The following KIAA2012 variants were observed in gnomAD, a reference collection of about 807,000 sequenced individuals.
KIAA2012 encodes the protein KIAA2012.
A neutral mutation model predicts 150.6 loss-of-function variants in KIAA2012; 125 were observed. That is an observed-to-expected ratio of 0.83 (90% CI 0.72 to 0.96). The LOEUF (loss-of-function observed/expected upper bound fraction) is 0.96, where lower values mean the gene tolerates loss of function less well. Among genes scored for constraint, KIAA2012 ranks in the 40% least tolerant of loss-of-function variants. The probability of loss-of-function intolerance (pLI) is 0.00; values close to 1 mark genes in which losing one functional copy is unlikely to be tolerated. For missense variants in KIAA2012, 1,219 were observed against 1,354.9 expected, an observed-to-expected ratio of 0.90 and a Z score of 1.57; for synonymous variants, 462 against 504.7, an observed-to-expected ratio of 0.92 and a Z score of 1.13.
chr2:202,105,916 T>TCCTC lies in KIAA2012; in HGVS notation c.1474+16_1474+19dup, dbSNP rs933325673. 12 of 1,550,560 alleles carry TCCTC rather than the reference T, an allele frequency of 7.7e-6. No individual in the cohort carries two copies. In the East Asian group the frequency reaches 1.5e-4, roughly 19 times the overall value. ...GGACACACTCTCACCTCAAGGTAGC[T>TCCTC]CCTCCCTCCCTCCAGCATCCCTCGG... On this transcript the variant is annotated splice_region_variant and intron_variant, in intron 9 of 23. Transcript: ENST00000498697.
At chr2:202,168,229 G>A (rs931961752) in intron 15 of KIAA2012, among the ~76,000 whole-genome samples, 1 of 151,828 alleles carries the variant, frequency 6.6e-6, no homozygotes, top group African/African-American at 2.4e-5. Flanking sequence ...GACCGTCCTG[G>A]CCATCATGGT....
intron 14 of KIAA2012, among the ~76,000 whole-genome samples, chr2:202,159,665 AC>A (rs1691608210): frequency 6.6e-6 from 1 of 152,130 alleles, no homozygotes; most frequent in Admixed American, 6.5e-5. Context: ...ACATGGTGAA[AC>A]CCCGTCTCTA....
intron 12 of KIAA2012, among the ~76,000 whole-genome samples, chr2:202,128,459 A>C (rs532773917): frequency 6.7e-6 from 1 of 149,280 alleles, no homozygotes; most frequent in Non-Finnish European, 1.5e-5. Context: ...TTTGGTAGAG[A>C]TGGGGTTTCA....
intron 11 of KIAA2012, chr2:202,116,188 A>G (rs558146189): frequency 6.6e-6 from 1 of 152,354 alleles, no homozygotes; most frequent in East Asian, 1.9e-4. Context: ...GTTTATGCCA[A>G]TGATTCAGGT....
chr2:202,111,877 G>A (rs2105928527), intron 10 of KIAA2012, among the ~76,000 whole-genome samples: 1 of 152,250 alleles, frequency 6.6e-6, no homozygotes, highest in African/African-American at 2.4e-5. Context: ...GTTTGTAAGT[G>A]TGCATGTGTA....
At chr2:202,174,431 AT>A (rs1691953808) in intron 15 of KIAA2012, among the ~76,000 whole-genome samples, 1 of 152,228 alleles carries the variant, frequency 6.6e-6, no homozygotes, top group African/African-American at 2.4e-5. Context: ...TCCAGACTAT[AT>A]TATTACTTAT....
intron 21 of KIAA2012, among the ~76,000 whole-genome samples, chr2:202,195,756 T>G (rs1487840430): frequency 6.6e-6 from 1 of 152,178 alleles, no homozygotes; most frequent in Non-Finnish European, 1.5e-5. Flanking sequence ...GTTTTTCGCT[T>G]TCACATGAGT....
chr2:202,160,936 C>T (rs932122598), intron 14 of KIAA2012, among the ~76,000 whole-genome samples: 2 of 152,186 alleles, frequency 1.3e-5, no homozygotes, highest in South Asian at 2.1e-4. Context: ...TCCTGCAGCA[C>T]ATGCTCCTCC....
chr2:202,167,441 C>G (rs1049247071), intron 15 of KIAA2012, among the ~76,000 whole-genome samples: 2 of 152,200 alleles, frequency 1.3e-5, no homozygotes, highest in Non-Finnish European at 2.9e-5. Flanking sequence ...GGACCAGCAA[C>G]CACAGTTTTG....
chr2:202,176,872 A>G (rs1162573218), intron 15 of KIAA2012, among the ~76,000 whole-genome samples: 1 of 152,216 alleles, frequency 6.6e-6, no homozygotes, highest in Non-Finnish European at 1.5e-5. Context: ...AGTTTTAGTA[A>G]TTTAGAGCAA....
intron 13 of KIAA2012, 67 bp downstream of exon 13, chr2:202,138,575 G>A (rs2105944541): frequency 1.6e-6 from 2 of 1,219,566 alleles, no homozygotes; most frequent in Non-Finnish European, 2.3e-6. Flanking sequence ...GTTTCAGCTT[G>A]CTGTGTGCCC....
intron 15 of KIAA2012, chr2:202,179,349 T>A: frequency 1.0e-6 from 1 of 975,844 alleles, no homozygotes; most frequent in Non-Finnish European, 1.6e-6. Flanking sequence ...TCTGATAAAC[T>A]TGTCCGGATT....
In KIAA2012 at chr2:202,105,795, C is replaced by T. The variant is rs376543750; in HGVS notation, c.1359C>T (p.Ser453=). The T allele has an allele frequency of 6.4e-4, 989 of 1,550,612 alleles. 3 individuals are homozygous for T. Among genetic ancestry groups the T allele is most frequent in the East Asian group, 4.8e-3 (197 of 40,922 alleles). ...APHPESEPES[S]EESTPVWRPP... ...ACCCTGAGTCAGAACCAGAAAGCAG[C>T]GAAGAATCCACACCTGTGTGGAGAC... The change falls in exon 9 of 24, where the codon AGC becomes AGT. Residue 453 remains serine, a synonymous_variant. Transcript: ENST00000498697.
intron 12 of KIAA2012, 22 bp from the exon 13 acceptor site, chr2:202,138,410 T>C (rs1559217500): frequency 6.5e-7 from 1 of 1,542,856 alleles, no homozygotes; most frequent in Non-Finnish European, 8.8e-7. Context: ...TGATCTTTTT[T>C]CCTCTTTGAT....
chr2:202,132,784 A>G (rs1450727830), intron 12 of KIAA2012, among the ~76,000 whole-genome samples: 33 of 59,836 alleles, frequency 5.5e-4, no homozygotes, highest in Admixed American at 1.2e-3. Context: ...ACATATATAT[A>G]TGCGTATATA....
chr2:202,179,519 T>C, intron 15 of KIAA2012: 1 of 699,608 alleles, frequency 1.4e-6, no homozygotes, highest in Admixed American at 1.8e-5. Flanking sequence ...AGGTTTGGTG[T>C]ACAGTGGCGT....
At chr2:202,144,570 G>GGTACAATC (rs1001874575) in intron 13 of KIAA2012, among the ~76,000 whole-genome samples, 11 of 152,162 alleles carry the variant, frequency 7.2e-5, no homozygotes, top group African/African-American at 1.7e-4. Flanking sequence ...TTTGTACAAG[G>GGTACAATC]GTACAATCGT....
At chr2:202,184,666 C>A in intron 15 of KIAA2012, 87 bp from the exon 16 acceptor site, 1 of 878,074 alleles carries the variant, frequency 1.1e-6, no homozygotes, top group Non-Finnish European at 1.7e-6. Context: ...CCTTTGGCTA[C>A]TCACCAGGTA....
chr2:202,122,890 C>T (rs1319508307), intron 11 of KIAA2012, among the ~76,000 whole-genome samples: 2 of 152,252 alleles, frequency 1.3e-5, no homozygotes, highest in Non-Finnish European at 2.9e-5. Context: ...TGTAATTAAG[C>T]GAAAACAACA....
Sources: gnomAD v4.1 joint callset for allele counts (sites outside exome capture counted in the v4.1 genomes callset) on GRCh38, gnomAD v4.1.1 for gene constraint, MANE v1.5 for transcripts, NCBI Gene and HGNC (gene_info 2026-07-23, HGNC 2026-07-21) for gene names.